PCDHGA8: variants seen among roughly 807,000 people sequenced by gnomAD.
PCDHGA8 encodes the protein protocadherin gamma-A8.
In PCDHGA8, 45 loss-of-function variants were observed where a neutral mutation model predicts 59.2. That is an observed-to-expected ratio of 0.76 (90% CI 0.60 to 0.98). The LOEUF is 0.98. Among genes scored for constraint, PCDHGA8 ranks in the 50% least tolerant of loss-of-function variants. PCDHGA8 has a pLI of 0.00. For missense variants in PCDHGA8, 1,257 were observed against 1,196.2 expected, an observed-to-expected ratio of 1.05 and a Z score of -0.75; for synonymous variants, 531 against 519.0, an observed-to-expected ratio of 1.02 and a Z score of -0.32.
chr5:141,410,822 A>T (rs2095425246), intron 1 of PCDHGA8: 1 of 461,414 alleles, frequency 2.2e-6, no homozygotes, highest in Non-Finnish European at 3.6e-6. Flanking sequence ...AAATAATGTC[A>T]CCAGACTGAA....
At chr5:141,482,513 A>C (rs552094845) in intron 1 of PCDHGA8, among the ~76,000 whole-genome samples, 1 of 143,798 alleles carries the variant, frequency 7.0e-6, no homozygotes, top group East Asian at 2.1e-4. Flanking sequence ...CCCAGAGTAC[A>C]GTATGAGACA....
At chr5:141,478,068 A>T (rs560968418) in intron 1 of PCDHGA8, 1 of 1,614,134 alleles carries the variant, frequency 6.2e-7, no homozygotes, top group East Asian at 2.2e-5. Flanking sequence ...ATCAAAGACA[A>T]TGGGGAGCCT....
rs138408376 is a variant in PCDHGA8 at position 141,421,859 on chromosome 5, T to C, written c.2424+26622T>C. The stretch of plus-strand genomic sequence containing the variant: ...CGAGAGAAAGAGGCTGCTCACCTGC[T>C]CCTCCTCACAGCTTTAGATGGAGGC... On this transcript the variant is annotated intron_variant, in intron 1 of 3. Coordinates refer to ENST00000398604, the MANE Select transcript of PCDHGA8 (RefSeq NM_032088.2). The C allele has an allele frequency of 1.7e-3, 2,741 of 1,613,710 alleles. 8 individuals carry two copies. Among genetic ancestry groups the C allele is most frequent in the Middle Eastern group, 8.1e-3 (49 of 6,062 alleles).
At chr5:141,446,922 T>G (rs939249512) in intron 1 of PCDHGA8, among the ~76,000 whole-genome samples, 1 of 152,220 alleles carries the variant, frequency 6.6e-6, no homozygotes, top group Non-Finnish European at 1.5e-5. Context: ...TTTATCTTCC[T>G]GATCTCTTTT....
chr5:141,450,183 A>G (rs1461369835), intron 1 of PCDHGA8, among the ~76,000 whole-genome samples: 1 of 151,558 alleles, frequency 6.6e-6, no homozygotes, highest in Non-Finnish European at 1.5e-5. Context: ...ACACCCAGCT[A>G]ATTTTTGTAT....
At chr5:141,506,213 A>G (rs2154593866) in intron 3 of PCDHGA8, among the ~76,000 whole-genome samples, 1 of 152,204 alleles carries the variant, frequency 6.6e-6, no homozygotes, top group South Asian at 2.1e-4. Flanking sequence ...CACTTTGGGA[A>G]GCTGAGGCAG....
intron 1 of PCDHGA8, among the ~76,000 whole-genome samples, chr5:141,480,959 C>A (rs1476891394): frequency 1.3e-5 from 2 of 152,086 alleles, no homozygotes; most frequent in East Asian, 3.8e-4. Flanking sequence ...GCGGAAGCAT[C>A]AGTGAGGGAG....
At chr5:141,418,940 C>G in intron 1 of PCDHGA8, 9 of 1,614,012 alleles carry the variant, frequency 5.6e-6, no homozygotes, top group Non-Finnish European at 6.8e-6. Context: ...GGAGGATTCC[C>G]CTCCAGGAGT....
chr5:141,393,284 T>C lies in PCDHGA8; in HGVS notation c.471T>C (p.Ala157=), dbSNP rs1462333832. The C allele has an allele frequency of 6.2e-6, 10 of 1,613,870 alleles. No individual in the cohort carries two copies. The highest frequency in any genetic ancestry group is 2.7e-5 in the African/African-American group (2 of 74,934). ...GAGCACGTTATCCACTCCCAGAAGC[T>C]GTTGACCCGGATGTGGGCGTGAACT... ...VPGARYPLPE[A]VDPDVGVNSL... is the part of the protein sequence containing the mutation. The change falls in exon 1 of 4, where the codon GCT becomes GCC. Residue 157 remains alanine, a synonymous_variant. Transcript: ENST00000398604.
In PCDHGA8 at chr5:141,422,749, A is replaced by G. The variant is rs202046219; in HGVS notation, c.2424+27512A>G. Reference sequence around the variant, plus strand: ...GGTGCCTCTGTCCTCCTATGTCTCTATTAACTCCAACACTGGTGTTCTCTA... The same window carrying G: ...GGTGCCTCTGTCCTCCTATGTCTCTGTTAACTCCAACACTGGTGTTCTCTA... On this transcript the variant is annotated intron_variant, in intron 1 of 3. Coordinates refer to ENST00000398604, the MANE Select transcript of PCDHGA8 (RefSeq NM_032088.2). 269 of 1,611,644 alleles carry G rather than the reference A, an allele frequency of 1.7e-4. 1 individual carries two copies. The African/African-American group carries it at 3.3e-3, about 20-fold the overall frequency.
chr5:141,476,798 C>T lies in PCDHGA8; in HGVS notation c.2425-18009C>T. 3.1e-6 allele frequency: 5 copies of T among 1,613,660 alleles called. No homozygotes were observed. The highest frequency in any genetic ancestry group is 4.2e-6 in the Non-Finnish European group (5 of 1,180,028). ...AGGGACCCCAGCTCTCTCCGCCAGC[C>T]TGCCTATTCACATCAAGGTGCTGGA... On this transcript the variant is annotated intron_variant, in intron 1 of 3. Coordinates refer to ENST00000398604, the MANE Select transcript of PCDHGA8 (RefSeq NM_032088.2). This position sits in a 1 kb window ranked among gnomAD's most constrained non-coding sequence, Gnocchi z 7.6.
chr5:141,415,502 A>AGCCC, intron 1 of PCDHGA8: 1 of 1,614,204 alleles, frequency 6.2e-7, no homozygotes, highest in South Asian at 1.1e-5. Flanking sequence ...ATCTTCCCCC[A>AGCCC]GCCCAATTAT....
rs561329093 is a variant in PCDHGA8 at position 141,509,163 on chromosome 5, C to A, written c.2573-1784C>A. Among the ~76,000 whole-genome samples the A allele has an allele frequency of 1.4e-4, 21 of 152,322 alleles. No individual in the cohort carries two copies. In the South Asian group the frequency reaches 4.1e-3, roughly 30 times the overall value. On this transcript the variant is annotated intron_variant, in intron 3 of 3. Coordinates refer to ENST00000398604, the MANE Select transcript of PCDHGA8 (RefSeq NM_032088.2). ...CATCCCGGCTCTCCCCTCCCGTGTG[C>A]CCTCCTCCTCTTATGCCGGCTTGAA...
chr5:141,460,027 G>A (rs1002703325), intron 1 of PCDHGA8, among the ~76,000 whole-genome samples: 3 of 152,088 alleles, frequency 2.0e-5, no homozygotes, highest in East Asian at 1.9e-4. Flanking sequence ...GCAGTGAGCC[G>A]AGACTGCACC....
At chr5:141,425,448 C>G (rs897473729) in intron 1 of PCDHGA8, among the ~76,000 whole-genome samples, 1 of 152,164 alleles carries the variant, frequency 6.6e-6, no homozygotes, top group African/African-American at 2.4e-5. Flanking sequence ...AAATAAAACA[C>G]CATCACATTT....
At chr5:141,397,241 A>G (rs907539043) in intron 1 of PCDHGA8, among the ~76,000 whole-genome samples, 1 of 152,232 alleles carries the variant, frequency 6.6e-6, no homozygotes, top group Admixed American at 6.5e-5. Context: ...AGAGCAACGT[A>G]GTAGGGTATA....
intron 1 of PCDHGA8, chr5:141,405,281 G>A (rs1001215863): frequency 1.2e-6 from 2 of 1,614,158 alleles, no homozygotes; most frequent in Non-Finnish European, 1.7e-6. Flanking sequence ...CAACTATGCA[G>A]ACACACTCAT....
intron 1 of PCDHGA8, chr5:141,409,494 C>T (rs755680835): frequency 8.1e-6 from 13 of 1,613,910 alleles, no homozygotes; most frequent in South Asian, 3.3e-5. Context: ...GGCAAGCCGC[C>T]TCTTTCTTCC....
chr5:141,426,094 G>C (rs2096914562), intron 1 of PCDHGA8, among the ~76,000 whole-genome samples: 1 of 152,350 alleles, frequency 6.6e-6, no homozygotes, highest in African/African-American at 2.4e-5. Flanking sequence ...ACGATATTCT[G>C]TTCAGTCACA....
Sources: allele counts gnomAD v4.1 joint callset (sites outside exome capture counted in the v4.1 genomes callset), GRCh38; gene constraint gnomAD v4.1.1; non-coding constraint Gnocchi (gnomAD v3.1); transcripts MANE v1.5; gene names NCBI Gene and HGNC (gene_info 2026-07-23, HGNC 2026-07-21).